The following VWA8 variants were observed in gnomAD, a reference collection of about 807,000 sequenced individuals.
VWA8 encodes the protein von Willebrand factor A domain-containing protein 8.
VWA8 carries 221 observed loss-of-function variants against 241.5 expected under a neutral mutation model. That is an observed-to-expected ratio of 0.91 (90% CI 0.82 to 1.02). The LOEUF (loss-of-function observed/expected upper bound fraction) is 1.02, where lower values mean the gene tolerates loss of function less well. Ranked by LOEUF, VWA8 falls within the 50% of genes least tolerant of loss-of-function variation. The pLI, the probability that VWA8 is intolerant of heterozygous loss-of-function variation, is 0.00. For synonymous variants in VWA8, 852 were observed against 827.1 expected (o/e 1.03, Z -0.52); for missense variants, 2,322 against 2,328.7 (o/e 1.00, Z 0.06).
chr13:41,704,776 T>C lies in VWA8; in HGVS notation c.3117-1365A>G, dbSNP rs1300405950. On this transcript the variant is annotated intron_variant, in intron 26 of 44. Coordinates refer to ENST00000379310, the MANE Select transcript of VWA8 (RefSeq NM_015058.2). ...AAGCCAAGTCTTCACTTTTTAATCA[T>C]ACTATCTTTTATTTGAGTCTTTAAA... is the stretch of plus-strand genomic sequence containing the variant. Among the ~76,000 whole-genome samples the C allele has an allele frequency of 2.0e-5, 3 of 152,288 alleles. No homozygotes were observed. The East Asian group carries it at 5.8e-4, about 29-fold the overall frequency.
At chr13:41,605,094 T>C in intron 40 of VWA8, 74 bp downstream of exon 40, 2 of 1,467,090 alleles carry the variant, frequency 1.4e-6, no homozygotes, top group South Asian at 2.4e-5. Context: ...GTTCAGATAA[T>C]TTTCTCCAAG....
intron 19 of VWA8, 48 bp from the exon 20 acceptor site, chr13:41,778,104 A>C: frequency 7.1e-7 from 1 of 1,407,940 alleles, no homozygotes; most frequent in East Asian, 2.4e-5. Context: ...AATCAAGGTT[A>C]AATAAGAAAG....
At chr13:41,694,538 G>T (rs190442486) in intron 29 of VWA8, among the ~76,000 whole-genome samples, 2 of 151,850 alleles carry the variant, frequency 1.3e-5, no homozygotes, top group Non-Finnish European at 2.9e-5. Context: ...TGATATCTTA[G>T]AGTTTTCCTT....
At chr13:41,900,134 T>C (rs1875354070) in intron 4 of VWA8, among the ~76,000 whole-genome samples, 1 of 152,226 alleles carries the variant, frequency 6.6e-6, no homozygotes, top group African/African-American at 2.4e-5. Flanking sequence ...GGATGATAGT[T>C]ATCTATGCCT....
chr13:41,836,901 A>C (rs896347270), intron 12 of VWA8, among the ~76,000 whole-genome samples: 5 of 152,190 alleles, frequency 3.3e-5, no homozygotes, highest in Admixed American at 3.3e-4. Context: ...CAATCTTCGG[A>C]GGGATAGAAC....
intron 17 of VWA8, among the ~76,000 whole-genome samples, chr13:41,788,091 T>A (rs965308442): frequency 6.6e-6 from 1 of 152,216 alleles, no homozygotes. Context: ...GTGACAGTTA[T>A]TCTTCAAACA....
At chr13:41,808,319 C>T (rs1870312257) in intron 17 of VWA8, among the ~76,000 whole-genome samples, 1 of 152,100 alleles carries the variant, frequency 6.6e-6, no homozygotes, top group South Asian at 2.1e-4. Context: ...AAGAAAAGAA[C>T]TTTAATTGGC....
intron 39 of VWA8, among the ~76,000 whole-genome samples, chr13:41,606,538 T>C (rs546680949): frequency 2.0e-5 from 3 of 152,290 alleles, no homozygotes; most frequent in South Asian, 2.1e-4. Flanking sequence ...TCTTCTAAAC[T>C]AGTGTGTTAT....
intron 37 of VWA8, among the ~76,000 whole-genome samples, chr13:41,647,636 C>T (rs1399628746): frequency 1.3e-5 from 2 of 152,144 alleles, no homozygotes; most frequent in Non-Finnish European, 2.9e-5. Context: ...TCAAAATCAG[C>T]TTTGAAACCA....
intron 37 of VWA8, among the ~76,000 whole-genome samples, chr13:41,638,884 C>A (rs2044776778): frequency 6.6e-6 from 1 of 152,166 alleles, no homozygotes; most frequent in African/African-American, 2.4e-5. Flanking sequence ...AGAATGTGAT[C>A]CCAGAGAAAA....
intron 3 of VWA8, among the ~76,000 whole-genome samples, chr13:41,910,998 T>C (rs1566503368): frequency 6.6e-6 from 1 of 152,144 alleles, no homozygotes; most frequent in Non-Finnish European, 1.5e-5. Context: ...ATTCTTTCAT[T>C]AATCATTAGG....
chr13:41,733,214 T>A (rs1359696331), intron 21 of VWA8, among the ~76,000 whole-genome samples: 3 of 152,202 alleles, frequency 2.0e-5, no homozygotes, highest in East Asian at 3.8e-4. Flanking sequence ...ATCTGTTTTT[T>A]AAAAAGGAAT....
At chr13:41,840,179 G>A (rs1871930920) in intron 12 of VWA8, among the ~76,000 whole-genome samples, 1 of 151,988 alleles carries the variant, frequency 6.6e-6, no homozygotes, top group Admixed American at 6.6e-5. Flanking sequence ...GTCTATTATT[G>A]GTGTGTTGGA....
intron 40 of VWA8, among the ~76,000 whole-genome samples, chr13:41,598,348 T>C (rs956634445): frequency 3.9e-5 from 6 of 152,100 alleles, no homozygotes; most frequent in African/African-American, 1.4e-4. Flanking sequence ...TATGAGAATT[T>C]AGGCCCTGTT....
chr13:41,777,707 G>A lies in VWA8; in HGVS notation c.2349+278C>T, dbSNP rs373773861. Among the ~76,000 whole-genome samples, 68 of 152,304 alleles carry A rather than the reference G, an allele frequency of 4.5e-4. 2 individuals carry two copies. In the East Asian group the frequency reaches 6.9e-3, roughly 16 times the overall value. On this transcript the variant is annotated intron_variant, in intron 20 of 44. Coordinates refer to ENST00000379310, the MANE Select transcript of VWA8 (RefSeq NM_015058.2). ...ATAGGAAACTACTGCTGCAATCCAG[G>A]TGACAGGTGAAGATCACTGGGGCTA...
At chr13:41,809,277 C>A (rs1870361374) in intron 17 of VWA8, among the ~76,000 whole-genome samples, 1 of 151,998 alleles carries the variant, frequency 6.6e-6, no homozygotes, top group African/African-American at 2.4e-5. Flanking sequence ...TTATATGAAA[C>A]CACAAAGACC....
rs762218260 is a variant in VWA8 at position 41,729,666 on chromosome 13, T to C, written c.2514A>G (p.Val838=). ...CTACTACCAGAATATGACCCAACTTTACTGCTTTAACCTTTGACGACAGAA... is the reference window on the plus strand; with the variant it reads ...CTACTACCAGAATATGACCCAACTTCACTGCTTTAACCTTTGACGACAGAA... The part of the protein sequence containing the change: ...VYEDSPLVKA[V]KLGHILVVDE... The change falls in exon 23 of 45, where the codon GTA becomes GTG. Residue 838 remains valine (V), a synonymous_variant. Transcript: ENST00000379310. 5 of 1,611,492 alleles carry C rather than the reference T, an allele frequency of 3.1e-6. No homozygotes were observed. Among genetic ancestry groups the C allele is most frequent in the South Asian group, 1.1e-5 (1 of 90,392 alleles).
At chr13:41,942,213 T>C (rs1345131147) in intron 2 of VWA8, among the ~76,000 whole-genome samples, 1 of 152,170 alleles carries the variant, frequency 6.6e-6, no homozygotes, top group African/African-American at 2.4e-5. Flanking sequence ...ATAACACACT[T>C]AGGCATAACC....
chr13:41,721,128 C>G (rs1448055385), intron 25 of VWA8, among the ~76,000 whole-genome samples: 1 of 152,196 alleles, frequency 6.6e-6, no homozygotes, highest in Non-Finnish European at 1.5e-5. Context: ...AACAGCCTCC[C>G]ACCAAATTTC....
Sources: allele counts gnomAD v4.1 joint callset (sites outside exome capture counted in the v4.1 genomes callset), GRCh38; gene constraint gnomAD v4.1.1; transcripts MANE v1.5; gene names NCBI Gene and HGNC (gene_info 2026-07-23, HGNC 2026-07-21).